NWD2: variants seen among roughly 807,000 people sequenced by gnomAD.
NWD2 encodes NACHT and WD repeat domain containing 2, also known as NACHT and WD repeat domain-containing protein 2.
Under a neutral mutation model 132.7 loss-of-function variants are expected in NWD2, and 37 were observed. The ratio of observed to expected loss-of-function variants is 0.28; its 90% CI spans 0.21 to 0.37. The LOEUF (loss-of-function observed/expected upper bound fraction) is 0.37, where lower values mean the gene tolerates loss of function less well. Ranked by LOEUF, NWD2 falls within the 10% of genes least tolerant of loss-of-function variation. NWD2 has a pLI of 1.00. For missense variants in NWD2, 1,592 were observed against 2,122.4 expected, an observed-to-expected ratio of 0.75 and a Z score of 4.91; for synonymous variants, 705 against 803.0, an observed-to-expected ratio of 0.88 and a Z score of 2.06.
At chr4:37,381,707 C>T (rs968573716) in intron 3 of NWD2, among the ~76,000 whole-genome samples, 1 of 152,192 alleles carries the variant, frequency 6.6e-6, no homozygotes. Context: ...ACCACATTTC[C>T]AACTTCAGAG....
At chr4:37,328,994 A>G (rs1054823575) in intron 2 of NWD2, among the ~76,000 whole-genome samples, 1 of 152,034 alleles carries the variant, frequency 6.6e-6, no homozygotes, top group African/African-American at 2.4e-5. Context: ...AGTCCCTGGC[A>G]CATTGGAAAA....
At chr4:37,399,338 C>A (rs1720860690) in intron 3 of NWD2, among the ~76,000 whole-genome samples, 1 of 152,182 alleles carries the variant, frequency 6.6e-6, no homozygotes, top group African/African-American at 2.4e-5. Flanking sequence ...TAGGAACAGG[C>A]CTGGATTCAG....
chr4:37,388,484 G>A (rs55791236), intron 3 of NWD2, among the ~76,000 whole-genome samples: 4 of 151,984 alleles, frequency 2.6e-5, no homozygotes, highest in Admixed American at 6.6e-5. Context: ...ACGCCTAGCC[G>A]ACAGCTGTAG....
intron 2 of NWD2, among the ~76,000 whole-genome samples, chr4:37,332,159 C>A (rs1056706429): frequency 6.6e-6 from 1 of 152,124 alleles, no homozygotes; most frequent in Non-Finnish European, 1.5e-5. Flanking sequence ...GGGCTTGGCA[C>A]CAGTGGACTT....
At chr4:37,323,937 G>A (rs747796075) in intron 1 of NWD2, among the ~76,000 whole-genome samples, 1 of 151,794 alleles carries the variant, frequency 6.6e-6, no homozygotes, top group East Asian at 1.9e-4. Context: ...ATTAATGCAG[G>A]AACAGAAAAC....
At chr4:37,281,597 C>T (rs1398649076) in intron 1 of NWD2, among the ~76,000 whole-genome samples, 2 of 151,982 alleles carry the variant, frequency 1.3e-5, no homozygotes, top group Admixed American at 6.6e-5. Flanking sequence ...TCTTACTAAC[C>T]CTGTGAGATT....
At chr4:37,302,115 C>T (rs1369413) in intron 1 of NWD2, among the ~76,000 whole-genome samples, 12,467 of 151,510 alleles carry the variant, frequency 0.082, 1,590 homozygotes, top group African/African-American at 0.27. Flanking sequence ...ATTCCCTTAC[C>T]ATCCACTCTT....
At chr4:37,271,410 G>T (rs1717868639) in intron 1 of NWD2, among the ~76,000 whole-genome samples, 1 of 151,798 alleles carries the variant, frequency 6.6e-6, no homozygotes, top group Admixed American at 6.6e-5. Context: ...TCAGGAAAGA[G>T]ATCTTGCACA....
chr4:37,406,993 C>G (rs552242174), intron 3 of NWD2, among the ~76,000 whole-genome samples: 228 of 152,058 alleles, frequency 1.5e-3, no homozygotes, highest in African/African-American at 5.2e-3. Context: ...AACAGAAAAC[C>G]AAACACCGCA....
chr4:37,338,439 T>C (rs1446335956), intron 2 of NWD2, among the ~76,000 whole-genome samples: 3 of 152,190 alleles, frequency 2.0e-5, no homozygotes, highest in African/African-American at 7.2e-5. Context: ...CAAGAACAGA[T>C]GAGCACAAAA....
At chr4:37,340,513 C>T (rs780531343) in intron 2 of NWD2, among the ~76,000 whole-genome samples, 4 of 152,118 alleles carry the variant, frequency 2.6e-5, no homozygotes, top group African/African-American at 4.8e-5. Context: ...TTTACAGTCT[C>T]GCAGTTGTAA....
intron 3 of NWD2, among the ~76,000 whole-genome samples, chr4:37,393,451 A>G: frequency 6.6e-6 from 1 of 152,150 alleles, no homozygotes; most frequent in East Asian, 1.9e-4. Context: ...ATGTCAAAAC[A>G]TGTGATAAAG....
intron 1 of NWD2, among the ~76,000 whole-genome samples, chr4:37,293,355 C>T (rs1718403664): frequency 6.6e-6 from 1 of 152,170 alleles, no homozygotes; most frequent in Admixed American, 6.5e-5. Context: ...TCATATCCTC[C>T]ATATCTCCTA....
At chr4:37,327,254 G>A (rs1366738491) in intron 2 of NWD2, among the ~76,000 whole-genome samples, 1 of 152,062 alleles carries the variant, frequency 6.6e-6, no homozygotes, top group East Asian at 1.9e-4. Flanking sequence ...TTGTCAACAG[G>A]GGAAGTCAGT....
At chr4:37,349,252 C>T (rs188017982) in intron 2 of NWD2, among the ~76,000 whole-genome samples, 5 of 152,236 alleles carry the variant, frequency 3.3e-5, no homozygotes, top group Admixed American at 6.5e-5. Context: ...CTTGAGGAAT[C>T]GCCACACTGT....
chr4:37,291,878 C>T (rs748859982), intron 1 of NWD2, among the ~76,000 whole-genome samples: 2 of 151,974 alleles, frequency 1.3e-5, no homozygotes, highest in Non-Finnish European at 2.9e-5. Context: ...CATTATATAC[C>T]CTTGGTATGG....
At chr4:37,431,608 A>G (rs1712181830) in intron 4 of NWD2, among the ~76,000 whole-genome samples, 1 of 152,208 alleles carries the variant, frequency 6.6e-6, no homozygotes. Flanking sequence ...CTGAGAGAGC[A>G]GATCTCAAGT....
chr4:37,368,384 ATTG>A (rs1175798771), intron 3 of NWD2, among the ~76,000 whole-genome samples: 1 of 152,170 alleles, frequency 6.6e-6, no homozygotes, highest in Non-Finnish European at 1.5e-5. Flanking sequence ...TGTATTTTCC[ATTG>A]TTGTCCAATA....
At chr4:37,307,583 A>G (rs1420842986) in intron 1 of NWD2, among the ~76,000 whole-genome samples, 2 of 152,148 alleles carry the variant, frequency 1.3e-5, no homozygotes, top group African/African-American at 2.4e-5. Context: ...ACTTTTGACT[A>G]TAATGTTTCT....
Sources: allele counts gnomAD v4.1 joint callset (sites outside exome capture counted in the v4.1 genomes callset), GRCh38; gene constraint gnomAD v4.1.1; transcripts MANE v1.5; gene names NCBI Gene and HGNC (gene_info 2026-07-23, HGNC 2026-07-21).